KCNJ6: variants seen among roughly 807,000 people sequenced by gnomAD.
The protein encoded by KCNJ6 is potassium inwardly rectifying channel subfamily J member 6, also known as G protein-activated inward rectifier potassium channel 2.
A neutral mutation model predicts 34.2 loss-of-function variants in KCNJ6; 9 were observed. That is an observed-to-expected ratio of 0.26 (90% CI 0.16 to 0.46). The LOEUF (loss-of-function observed/expected upper bound fraction) is 0.46. Among genes scored for constraint, KCNJ6 ranks in the 20% least tolerant of loss-of-function variants. KCNJ6 has a pLI of 1.00. For synonymous variants in KCNJ6, 196 were observed against 207.1 expected (o/e 0.95, Z 0.46); for missense variants, 236 against 531.3 (o/e 0.44, Z 5.46).
intron 2 of KCNJ6, among the ~76,000 whole-genome samples, chr21:37,752,688 C>T (rs746997966): frequency 1.5e-4 from 23 of 152,238 alleles, no homozygotes; most frequent in East Asian, 3.9e-4. Flanking sequence ...CCTGGCTAGG[C>T]GGCCCCAGAC....
chr21:37,804,415 TTTTTA>T (rs1191328232), intron 2 of KCNJ6, among the ~76,000 whole-genome samples: 1 of 152,236 alleles, frequency 6.6e-6, no homozygotes, highest in Non-Finnish European at 1.5e-5. Flanking sequence ...TCTTTTTTAA[TTTTTA>T]TTTTATTTAA....
At chr21:37,909,425 G>T (rs189810551) in intron 1 of KCNJ6, among the ~76,000 whole-genome samples, 9 of 151,986 alleles carry the variant, frequency 5.9e-5, no homozygotes, top group Middle Eastern at 3.4e-3. Flanking sequence ...GAGTGCAGTG[G>T]TGTGATCTCA....
intron 2 of KCNJ6, among the ~76,000 whole-genome samples, chr21:37,733,885 T>G (rs913795803): frequency 6.6e-6 from 1 of 152,186 alleles, no homozygotes; most frequent in African/African-American, 2.4e-5. Flanking sequence ...GGTGTAGTTC[T>G]TCTCTCAGCC....
chr21:37,744,396 C>G (rs184302292), intron 2 of KCNJ6, among the ~76,000 whole-genome samples: 1 of 152,050 alleles, frequency 6.6e-6, no homozygotes, highest in African/African-American at 2.4e-5. Context: ...AAGGAATGCA[C>G]ATGATTTGGA....
At chr21:37,891,605 T>C (rs1279271511) in intron 1 of KCNJ6, among the ~76,000 whole-genome samples, 1 of 152,122 alleles carries the variant, frequency 6.6e-6, no homozygotes, top group African/African-American at 2.4e-5. Flanking sequence ...TGAGTACTTG[T>C]AGGCTGTTTG....
intron 1 of KCNJ6, among the ~76,000 whole-genome samples, chr21:37,872,848 T>C (rs923560000): frequency 6.6e-6 from 1 of 152,190 alleles, no homozygotes; most frequent in African/African-American, 2.4e-5. Flanking sequence ...GCTGTTCTCA[T>C]GATAGTGTGT....
At chr21:37,882,486 G>A (rs914429843) in intron 1 of KCNJ6, among the ~76,000 whole-genome samples, 1 of 152,216 alleles carries the variant, frequency 6.6e-6, no homozygotes, top group Non-Finnish European at 1.5e-5. Flanking sequence ...GCTCCTTTAT[G>A]TGCCACTTAC....
chr21:37,905,967 G>A (rs1031276553), intron 1 of KCNJ6, among the ~76,000 whole-genome samples: 4 of 152,198 alleles, frequency 2.6e-5, no homozygotes, highest in Admixed American at 2.6e-4. Flanking sequence ...CTGCATGAAG[G>A]TCTGCTGTGA....
At chr21:37,897,200 G>C (rs1324947003) in intron 1 of KCNJ6, among the ~76,000 whole-genome samples, 3 of 152,210 alleles carry the variant, frequency 2.0e-5, no homozygotes, top group African/African-American at 2.4e-5. Context: ...CTAAAAAGAA[G>C]TCCCCTCTCC....
chr21:37,736,404 GA>G (rs1267820001), intron 2 of KCNJ6, among the ~76,000 whole-genome samples: 1 of 152,180 alleles, frequency 6.6e-6, no homozygotes, highest in Non-Finnish European at 1.5e-5. Flanking sequence ...TTGGGGTAAT[GA>G]GAATGTTTTG....
intron 3 of KCNJ6, among the ~76,000 whole-genome samples, chr21:37,644,570 G>A (rs928111611): frequency 3.3e-5 from 5 of 152,132 alleles, no homozygotes; most frequent in African/African-American, 4.8e-5. Flanking sequence ...CTCTCCCCCC[G>A]ACATATTTTT....
intron 2 of KCNJ6, among the ~76,000 whole-genome samples, chr21:37,733,473 C>A (rs999081945): frequency 1.3e-4 from 20 of 152,184 alleles, no homozygotes; most frequent in African/African-American, 4.6e-4. Flanking sequence ...AGACTCAGGT[C>A]CTCAGATAAT....
At chr21:37,789,766 C>T (rs1402176230) in intron 2 of KCNJ6, among the ~76,000 whole-genome samples, 1 of 152,184 alleles carries the variant, frequency 6.6e-6, no homozygotes, top group Non-Finnish European at 1.5e-5. Context: ...GCGCTGTCGA[C>T]CAGTGTCTCT....
At chr21:37,676,259 C>T (rs2054564371) in intron 3 of KCNJ6, among the ~76,000 whole-genome samples, 3 of 152,176 alleles carry the variant, frequency 2.0e-5, no homozygotes, top group African/African-American at 7.2e-5. Context: ...GTCCTTTCTC[C>T]AGGAGGTGGT....
At chr21:37,749,434 T>C (rs62224361) in intron 2 of KCNJ6, among the ~76,000 whole-genome samples, 23,375 of 152,068 alleles carry the variant, frequency 0.15, 2,341 homozygotes, top group South Asian at 0.27. Context: ...GGGAGCCCCA[T>C]AGGGACTGCT....
At chr21:37,846,368 TG>T (rs1179200126) in intron 1 of KCNJ6, among the ~76,000 whole-genome samples, 1 of 28,852 alleles carries the variant, frequency 3.5e-5, no homozygotes, top group East Asian at 2.0e-3. Flanking sequence ...TGTGTGTGTG[TG>T]TGTGTGTGTG....
chr21:37,911,287 C>G (rs182088806), intron 1 of KCNJ6, among the ~76,000 whole-genome samples: 17 of 146,920 alleles, frequency 1.2e-4, no homozygotes, highest in Admixed American at 6.7e-4. Context: ...TCTATCTCTC[C>G]AAATACTTTC....
intron 3 of KCNJ6, among the ~76,000 whole-genome samples, chr21:37,640,020 A>T (rs558326553): frequency 6.6e-6 from 1 of 152,172 alleles, no homozygotes; most frequent in Non-Finnish European, 1.5e-5. Context: ...TAGATTACCC[A>T]GTCTATAGCA....
At chr21:37,824,235 A>C (rs945553440) in intron 2 of KCNJ6, among the ~76,000 whole-genome samples, 4 of 152,160 alleles carry the variant, frequency 2.6e-5, no homozygotes, top group African/African-American at 9.7e-5. Flanking sequence ...AATCACCAGA[A>C]TTCCTATAGG....
Sources: gnomAD v4.1 joint callset for allele counts (sites outside exome capture counted in the v4.1 genomes callset) on GRCh38, gnomAD v4.1.1 for gene constraint, MANE v1.5 for transcripts, NCBI Gene and HGNC (gene_info 2026-07-23, HGNC 2026-07-21) for gene names.